The following POLR2K variants were observed in gnomAD, a reference collection of about 807,000 sequenced individuals.
The protein encoded by POLR2K is DNA-directed RNA polymerases I, II, and III subunit RPABC4.
Under a neutral mutation model 10.1 loss-of-function variants are expected in POLR2K, and 9 were observed. The observed-to-expected ratio is 0.89, with a 90% CI of 0.54 to 1.56. POLR2K has a LOEUF of 1.56. POLR2K is among the 40% of genes most tolerant of loss of function. The pLI, the probability that POLR2K is intolerant of heterozygous loss-of-function variation, is 0.00. For missense variants in POLR2K, 53 were observed against 71.9 expected (o/e 0.74, Z 0.95); for synonymous variants, 19 against 20.3 (o/e 0.94, Z 0.17).
chr8:100,152,934 ATTTT>A (rs1027826199), intron 3 of POLR2K, among the ~76,000 whole-genome samples: 1 of 151,634 alleles, frequency 6.6e-6, no homozygotes, highest in African/African-American at 2.4e-5. Context: ...TGCCCGGCTA[ATTTT>A]TTTTATTTTT....
chr8:100,153,375 C>G lies in POLR2K; in HGVS notation c.*59C>G. On this transcript the variant is annotated 3_prime_UTR_variant, in exon 4 of 4. Coordinates refer to ENST00000353107, the MANE Select transcript of POLR2K (RefSeq NM_005034.4). ...ACTTGGATTTGCTCTCTTCCCATTT[C>G]TGATTGTTGTATAGCTTTCGATTTT... 6.8e-7 allele frequency: 1 copy of G among 1,475,696 alleles called. No homozygotes were observed. Among genetic ancestry groups the G allele is most frequent in the Non-Finnish European group, 9.5e-7 (1 of 1,056,550 alleles). 91.4% of individuals were successfully genotyped at this position (1,475,696 alleles called of 1,614,324 possible).
intron 2 of POLR2K, 143 bp downstream of exon 2, chr8:100,151,559 G>T (rs1814919432): frequency 1.5e-6 from 1 of 654,266 alleles, no homozygotes. Flanking sequence ...AATCGTTGAG[G>T]TCAGTAGACC....
rs1274976196 is a variant in POLR2K at position 100,153,599 on chromosome 8, A to T, written c.*283A>T. The T allele has an allele frequency of 6.9e-6, 2 of 289,916 alleles. No homozygotes were observed. Among genetic ancestry groups the T allele is most frequent in the Non-Finnish European group, 1.3e-5 (2 of 158,524 alleles). The allele number at this position is 289,916 out of a possible 1,614,324, so 18.0% of individuals were successfully genotyped here. A position where few individuals can be genotyped will look rare whatever the true frequency, so the allele number is the denominator to read the frequency against. On this transcript the variant is annotated 3_prime_UTR_variant, in exon 4 of 4. Transcript: ENST00000353107. ...AACAATGATAACATACTATAATAAA[A>T]GTTATGTGAATGTGGTTGGTCTCTC...
In POLR2K at chr8:100,153,578, A is replaced by G. The variant is rs534509865; in HGVS notation, c.*262A>G. 3 of 328,210 alleles carry G rather than the reference A, an allele frequency of 9.1e-6. No homozygotes were observed. The East Asian group carries it at 1.5e-4, about 17-fold the overall frequency. The allele number at this position is 328,210 out of a possible 1,614,324, so 20.3% of individuals were successfully genotyped here. On this transcript the variant is annotated 3_prime_UTR_variant, in exon 4 of 4. Coordinates refer to ENST00000353107, the MANE Select transcript of POLR2K (RefSeq NM_005034.4). ...AGATTAATAATAATGTAATAGAACA[A>G]TGATAACATACTATAATAAAAGTTA...
Position 100,151,885 on chromosome 8 carries a change from C to A in POLR2K, c.123C>A (p.Tyr41Ter). The change falls in exon 3 of 4, where the codon TAC (tyrosine) becomes TAA (stop). Residue 41 changes from tyrosine to a stop codon, truncating the protein, a stop_gained. Transcript: ENST00000353107. LOFTEE classifies it high-confidence loss of function. ...RDPIRCRECG[Y>*]RIMYKKRTKR... ...CAATCAGATGCAGAGAATGTGGATACAGAATAATGTACAAGAAAAGGACTA... is the reference window on the plus strand; with the variant it reads ...CAATCAGATGCAGAGAATGTGGATAAAGAATAATGTACAAGAAAAGGACTA... 6.5e-7 allele frequency: 1 copy of A among 1,530,234 alleles called. No individual in the cohort carries two copies. The highest frequency in any genetic ancestry group is 9.0e-7 in the Non-Finnish European group (1 of 1,106,138). The allele number at this position is 1,530,234 out of a possible 1,614,324, so 94.8% of individuals were successfully genotyped here. A position where few individuals can be genotyped will look rare whatever the true frequency, so the allele number is the denominator to read the frequency against.
intron 3 of POLR2K, among the ~76,000 whole-genome samples, chr8:100,152,975 A>G (rs534738407): frequency 1.3e-5 from 2 of 152,194 alleles, no homozygotes; most frequent in South Asian, 4.1e-4. Context: ...TCACCATGTT[A>G]GCCAGGATGG....
chr8:100,152,296 A>G (rs1216142386), intron 3 of POLR2K: 1 of 275,404 alleles, frequency 3.6e-6, no homozygotes. Context: ...ACAGCATGCT[A>G]TTGTACTGAA....
chr8:100,152,148 T>A, intron 3 of POLR2K: 1 of 577,562 alleles, frequency 1.7e-6, no homozygotes, highest in Non-Finnish European at 3.0e-6. Flanking sequence ...CAGTCAAGCT[T>A]GAGGATAGGG....
intron 1 of POLR2K, among the ~76,000 whole-genome samples, chr8:100,151,044 T>G (rs1267288576): frequency 6.6e-6 from 1 of 152,180 alleles, no homozygotes; most frequent in Non-Finnish European, 1.5e-5. Flanking sequence ...AGCTGAGTGA[T>G]CCTGCGGAAA....
In POLR2K at chr8:100,153,370, C is replaced by T; in HGVS notation, c.*54C>T. On this transcript the variant is annotated 3_prime_UTR_variant, in exon 4 of 4. Transcript: ENST00000353107. ...CTTATACTTGGATTTGCTCTCTTCC[C>T]ATTTCTGATTGTTGTATAGCTTTCG... 1 of 1,507,500 alleles carries T rather than the reference C, an allele frequency of 6.6e-7. No individual in the cohort carries two copies. Among genetic ancestry groups the T allele is most frequent in the Non-Finnish European group, 9.2e-7 (1 of 1,085,432 alleles). 93.4% of individuals were successfully genotyped at this position (1,507,500 alleles called of 1,614,324 possible).
intron 1 of POLR2K, among the ~76,000 whole-genome samples, chr8:100,151,020 C>T (rs1211645008): frequency 6.6e-6 from 1 of 152,108 alleles, no homozygotes; most frequent in East Asian, 1.9e-4. Flanking sequence ...ATCTGTATCC[C>T]TTTGACTTTT....
Position 100,153,411 on chromosome 8 carries a change from G to A in POLR2K, c.*95G>A. On this transcript the variant is annotated 3_prime_UTR_variant, in exon 4 of 4. Coordinates refer to ENST00000353107, the MANE Select transcript of POLR2K (RefSeq NM_005034.4). ...ATAGCTTTCGATTTTGCTTACAGTAGTTCCCCCTTATCTTCGGGAGATACA... is the reference window on the plus strand; with the variant it reads ...ATAGCTTTCGATTTTGCTTACAGTAATTCCCCCTTATCTTCGGGAGATACA... 9.2e-7 allele frequency: 1 copy of A among 1,084,894 alleles called. No homozygotes were observed. Among genetic ancestry groups the A allele is most frequent in the Non-Finnish European group, 1.4e-6 (1 of 711,152 alleles). 67.2% of individuals were successfully genotyped at this position (1,084,894 alleles called of 1,614,324 possible). A position where few individuals can be genotyped will look rare whatever the true frequency, so the allele number is the denominator to read the frequency against.
At chr8:100,151,673 C>G (rs1425322603) in intron 2 of POLR2K, 151 bp from the exon 3 acceptor site, 1 of 594,294 alleles carries the variant, frequency 1.7e-6, no homozygotes, top group African/African-American at 1.9e-5. Context: ...CTTTTTCTTT[C>G]CTATTTAATA....
At chr8:100,152,382 C>T (rs1013236862) in intron 3 of POLR2K, among the ~76,000 whole-genome samples, 5 of 152,190 alleles carry the variant, frequency 3.3e-5, no homozygotes, top group African/African-American at 9.7e-5. Context: ...TAATCTTATG[C>T]GACCACTGTT....
intron 2 of POLR2K, 120 bp downstream of exon 2, chr8:100,151,536 C>A: frequency 1.4e-6 from 1 of 727,010 alleles, no homozygotes; most frequent in Non-Finnish European, 2.4e-6. Flanking sequence ...AACACTTTAG[C>A]AACCATAAAA....
chr8:100,151,184 T>A, intron 1 of POLR2K, 163 bp from the exon 2 acceptor site: 1 of 633,712 alleles, frequency 1.6e-6, no homozygotes, highest in Middle Eastern at 2.6e-4. Context: ...AAACGCTCAA[T>A]ACTTGTGTGT....
chr8:100,152,870 G>A (rs1814939100), intron 3 of POLR2K, among the ~76,000 whole-genome samples: 1 of 152,042 alleles, frequency 6.6e-6, no homozygotes, highest in African/African-American at 2.4e-5. Context: ...CGGGTTCATG[G>A]CATTCTCCTG....
intron 3 of POLR2K, 100 bp from the exon 4 acceptor site, chr8:100,153,194 A>T: frequency 1.2e-6 from 1 of 819,036 alleles, no homozygotes; most frequent in Non-Finnish European, 2.0e-6. Flanking sequence ...ATTTTAAGTT[A>T]AATAACAAAC....
chr8:100,152,276 A>G, intron 3 of POLR2K: 1 of 358,510 alleles, frequency 2.8e-6, no homozygotes, highest in Non-Finnish European at 5.0e-6. Flanking sequence ...CTGCTAGGCT[A>G]CACACCTGTA....
Sources: gnomAD v4.1 joint callset for allele counts (sites outside exome capture counted in the v4.1 genomes callset) on GRCh38, gnomAD v4.1.1 for gene constraint, MANE v1.5 for transcripts, NCBI Gene and HGNC (gene_info 2026-07-23, HGNC 2026-07-21) for gene names.